Variants in UGT1A7 observed in about 807,000 individuals in gnomAD.
The protein encoded by UGT1A7 is UDP glucuronosyltransferase family 1 member A7, also known as UDP-glucuronosyltransferase 1A7.
A neutral mutation model predicts 45.6 loss-of-function variants in UGT1A7; 33 were observed. That is an observed-to-expected ratio of 0.72 (90% CI 0.55 to 0.97). The LOEUF (loss-of-function observed/expected upper bound fraction) is 0.97, where lower values mean the gene tolerates loss of function less well. Ranked by LOEUF, UGT1A7 falls within the 50% of genes least tolerant of loss-of-function variation. The probability of loss-of-function intolerance (pLI) is 0.00; values close to 1 mark genes in which losing one functional copy is unlikely to be tolerated. For missense variants in UGT1A7, 684 were observed against 666.2 expected (o/e 1.03, Z -0.29); for synonymous variants, 274 against 250.6 (o/e 1.09, Z -0.88).
intron 1 of UGT1A7, chr2:233,760,497 C>T (rs1553620689): frequency 2.5e-6 from 4 of 1,614,200 alleles, no homozygotes; most frequent in East Asian, 2.2e-5. Flanking sequence ...ACATCAGAGA[C>T]GGAGCATTTT....
At chr2:233,690,685 G>A (rs760063871) in intron 1 of UGT1A7, 25 of 1,255,756 alleles carry the variant, frequency 2.0e-5, no homozygotes, top group South Asian at 1.8e-4. Context: ...GGTCTCCAGC[G>A]GAGCTACTCT....
At chr2:233,704,812 T>A (rs2075808087) in intron 1 of UGT1A7, among the ~76,000 whole-genome samples, 1 of 152,136 alleles carries the variant, frequency 6.6e-6, no homozygotes, top group Non-Finnish European at 1.5e-5. Context: ...ATATGTATAT[T>A]GCTTTTTAGG....
At chr2:233,742,236 G>A (rs571045989) in intron 1 of UGT1A7, among the ~76,000 whole-genome samples, 1 of 151,990 alleles carries the variant, frequency 6.6e-6, no homozygotes, top group African/African-American at 2.4e-5. Context: ...CCCAAACAGA[G>A]ATTTACCCAC....
chr2:233,733,128 G>A (rs1348090612), intron 1 of UGT1A7, among the ~76,000 whole-genome samples: 1 of 152,132 alleles, frequency 6.6e-6, no homozygotes, highest in East Asian at 1.9e-4. Flanking sequence ...TTGGTGTATA[G>A]GAATGCTTGT....
At chr2:233,694,307 T>TG (rs2075212609) in intron 1 of UGT1A7, among the ~76,000 whole-genome samples, 1 of 151,966 alleles carries the variant, frequency 6.6e-6, no homozygotes, top group African/African-American at 2.4e-5. Flanking sequence ...GTTTTTTGTT[T>TG]TTTTTTTTCC....
chr2:233,713,031 A>C, intron 1 of UGT1A7: 1 of 1,613,936 alleles, frequency 6.2e-7, no homozygotes, highest in South Asian at 1.1e-5. Flanking sequence ...GCAGCTGGCC[A>C]CAGGACTGCT....
chr2:233,729,557 CT>C, intron 1 of UGT1A7: 1 of 1,614,146 alleles, frequency 6.2e-7, no homozygotes, highest in Non-Finnish European at 8.5e-7. Context: ...CTGAATGCTA[CT>C]TCCTTTGATG....
intron 1 of UGT1A7, among the ~76,000 whole-genome samples, chr2:233,763,269 T>C (rs934722016): frequency 6.6e-6 from 1 of 152,266 alleles, no homozygotes; most frequent in Non-Finnish European, 1.5e-5. Context: ...TCTTGTTGCA[T>C]GTTTTAATCT....
chr2:233,743,667 C>T lies in UGT1A7; in HGVS notation c.856-23367C>T, dbSNP rs201017854. 1.1e-4 allele frequency: 149 copies of T among 1,367,202 alleles called. 1 individual carries two copies. The highest frequency in any genetic ancestry group is 3.2e-4 in the East Asian group (7 of 21,982). The allele number at this position is 1,367,202 out of a possible 1,614,324, so 84.7% of individuals were successfully genotyped here. A position where few individuals can be genotyped will look rare whatever the true frequency, so the allele number is the denominator to read the frequency against. Reference sequence around the variant, plus strand: ...CTGAAGACGTACTCGAAGGGGTCCTCGAAGGGCCTGCCGCCTGTGCAGCCG... The same window carrying T: ...CTGAAGACGTACTCGAAGGGGTCCTTGAAGGGCCTGCCGCCTGTGCAGCCG... On this transcript the variant is annotated intron_variant, in intron 1 of 4. Coordinates refer to ENST00000373426, the MANE Select transcript of UGT1A7 (RefSeq NM_019077.3).
intron 1 of UGT1A7, among the ~76,000 whole-genome samples, chr2:233,750,999 T>G (rs560264893): frequency 6.6e-6 from 1 of 151,774 alleles, no homozygotes; most frequent in Non-Finnish European, 1.5e-5. Flanking sequence ...GCCACCATCC[T>G]CCAGAATCCC....
At chr2:233,694,816 T>C (rs1479520532) in intron 1 of UGT1A7, among the ~76,000 whole-genome samples, 1 of 152,198 alleles carries the variant, frequency 6.6e-6, no homozygotes, top group Non-Finnish European at 1.5e-5. Context: ...TTCTGGGGCA[T>C]GAAATAAAAA....
rs1209957250 is a variant in UGT1A7 at position 233,691,739 on chromosome 2, T to G, written c.855+8947T>G. On this transcript the variant is annotated intron_variant, in intron 1 of 4. Coordinates refer to ENST00000373426, the MANE Select transcript of UGT1A7 (RefSeq NM_019077.3). ...GATGGGTGGCTGGGCCAGAAGCAGATACCAGGCTTTCTGACTCCTGCTCTA... is the reference window on the plus strand; with the variant it reads ...GATGGGTGGCTGGGCCAGAAGCAGAGACCAGGCTTTCTGACTCCTGCTCTA... 4 of 680,470 alleles carry G rather than the reference T, an allele frequency of 5.9e-6. No homozygotes were observed. The East Asian group carries it at 4.0e-4, about 68-fold the overall frequency. 42.2% of individuals were successfully genotyped at this position (680,470 alleles called of 1,614,324 possible). A position where few individuals can be genotyped will look rare whatever the true frequency, so the allele number is the denominator to read the frequency against.
At chr2:233,707,372 C>T (rs913924514) in intron 1 of UGT1A7, among the ~76,000 whole-genome samples, 1 of 152,014 alleles carries the variant, frequency 6.6e-6, no homozygotes, top group Non-Finnish European at 1.5e-5. Flanking sequence ...AGGTATTAAG[C>T]TCAGCATCCA....
Position 233,769,582 on chromosome 2 carries a change from T to G in UGT1A7, c.1295+1143T>G. The G allele has an allele frequency of 6.2e-7, 1 of 1,612,842 alleles. No homozygotes were observed. Among genetic ancestry groups the G allele is most frequent in the Admixed American group, 1.7e-5 (1 of 60,012 alleles). ...TGTGAAGAGCTGGAGCATGTTCAGA[T>G]GAGAGGAGACGGAACACGGGGACAC... On this transcript the variant is annotated intron_variant, in intron 4 of 4. Coordinates refer to ENST00000373426, the MANE Select transcript of UGT1A7 (RefSeq NM_019077.3). This position sits in a 1 kb window ranked among gnomAD's most constrained non-coding sequence, Gnocchi z 4.4.
chr2:233,714,402 T>C (rs1318468382), intron 1 of UGT1A7, among the ~76,000 whole-genome samples: 1 of 152,160 alleles, frequency 6.6e-6, no homozygotes, highest in Non-Finnish European at 1.5e-5. Context: ...GTAGGTGCAA[T>C]GGATGTCTGT....
intron 1 of UGT1A7, chr2:233,761,022 G>A (rs749651784): frequency 1.2e-6 from 2 of 1,614,120 alleles, no homozygotes; most frequent in Non-Finnish European, 1.7e-6. Context: ...TGACTGTCCA[G>A]GACCTATTGA....
chr2:233,755,013 G>C, intron 1 of UGT1A7: 1 of 1,294,530 alleles, frequency 7.7e-7, no homozygotes, highest in Non-Finnish European at 1.0e-6. Context: ...CTACTCGAAG[G>C]GGTCCTTGAA....
chr2:233,743,547 C>A (rs201114978), intron 1 of UGT1A7: 1 of 1,367,292 alleles, frequency 7.3e-7, no homozygotes, highest in South Asian at 1.1e-5. Flanking sequence ...TCTGACCCCC[C>A]CAAAATATTC....
At chr2:233,693,927 A>G in intron 1 of UGT1A7, 1 of 1,608,872 alleles carries the variant, frequency 6.2e-7, no homozygotes, top group Non-Finnish European at 8.5e-7. Context: ...TCCCTCACTC[A>G]TTTGGCTCCT....
Sources: allele counts gnomAD v4.1 joint callset (sites outside exome capture counted in the v4.1 genomes callset), GRCh38; gene constraint gnomAD v4.1.1; non-coding constraint Gnocchi (gnomAD v3.1); transcripts MANE v1.5; gene names NCBI Gene and HGNC (gene_info 2026-07-23, HGNC 2026-07-21).